The following FCHSD2 variants were observed in gnomAD, a reference collection of about 807,000 sequenced individuals.
FCHSD2 encodes the protein FCH and double SH3 domains 2, also known as F-BAR and double SH3 domains protein 2.
FCHSD2 carries 38 observed loss-of-function variants against 108.1 expected under a neutral mutation model. The ratio of observed to expected loss-of-function variants is 0.35; its 90% CI spans 0.27 to 0.46. The LOEUF is 0.46. FCHSD2 is among the 20% of genes least tolerant of loss of function. FCHSD2 has a pLI of 1.00. For missense variants in FCHSD2, 751 were observed against 897.8 expected, an observed-to-expected ratio of 0.84 and a Z score of 2.09; for synonymous variants, 279 against 314.7, an observed-to-expected ratio of 0.89 and a Z score of 1.20.
At chr11:72,941,610 A>G (rs1856420455) in intron 8 of FCHSD2, among the ~76,000 whole-genome samples, 1 of 152,146 alleles carries the variant, frequency 6.6e-6, no homozygotes, top group Non-Finnish European at 1.5e-5. Flanking sequence ...TCAATTTGTT[A>G]GTAAGCAAAA....
intron 6 of FCHSD2, among the ~76,000 whole-genome samples, chr11:72,987,467 AAGC>A (rs1271904168): frequency 6.6e-6 from 1 of 152,202 alleles, no homozygotes; most frequent in African/African-American, 2.4e-5. Context: ...TGAGGGCACA[AAGC>A]TTACCTTACT....
At chr11:72,850,366 AG>A (rs1170418809) in intron 13 of FCHSD2, among the ~76,000 whole-genome samples, 2 of 151,214 alleles carry the variant, frequency 1.3e-5, no homozygotes, top group African/African-American at 4.9e-5. Context: ...CACCAGGCCT[AG>A]GACAGAGATT....
At chr11:72,954,616 T>C (rs1856678647) in intron 8 of FCHSD2, among the ~76,000 whole-genome samples, 1 of 152,084 alleles carries the variant, frequency 6.6e-6, no homozygotes. Flanking sequence ...AGAATATAGT[T>C]GTCATTACTG....
chr11:72,872,159 C>T (rs1321824512), intron 12 of FCHSD2, among the ~76,000 whole-genome samples: 2 of 151,930 alleles, frequency 1.3e-5, no homozygotes, highest in Non-Finnish European at 2.9e-5. Context: ...CTTAGAGGCA[C>T]TCCAATTGGT....
At chr11:72,997,979 T>G (rs919686976) in intron 5 of FCHSD2, among the ~76,000 whole-genome samples, 3 of 152,136 alleles carry the variant, frequency 2.0e-5, no homozygotes, top group African/African-American at 7.2e-5. Flanking sequence ...AGGTGTGAAC[T>G]ACCACTCCCG....
At chr11:73,116,138 T>C (rs1243632975) in intron 2 of FCHSD2, among the ~76,000 whole-genome samples, 2 of 152,242 alleles carry the variant, frequency 1.3e-5, no homozygotes, top group East Asian at 1.9e-4. Flanking sequence ...TTTATTCTGA[T>C]TGGATACTGA....
At chr11:72,932,639 T>C (rs1856217633) in intron 8 of FCHSD2, among the ~76,000 whole-genome samples, 1 of 152,226 alleles carries the variant, frequency 6.6e-6, no homozygotes, top group Non-Finnish European at 1.5e-5. Flanking sequence ...CTTAGTCTCT[T>C]CACTTAATCA....
chr11:72,846,344 CTAATTTTTT>C (rs1171819172), intron 14 of FCHSD2, among the ~76,000 whole-genome samples: 1 of 152,062 alleles, frequency 6.6e-6, no homozygotes, highest in African/African-American at 2.4e-5. Flanking sequence ...CCATGCCTGG[CTAATTTTTT>C]GTATTTTTAG....
chr11:72,921,482 A>G (rs1256381783), intron 9 of FCHSD2, among the ~76,000 whole-genome samples: 1 of 152,206 alleles, frequency 6.6e-6, no homozygotes, highest in Non-Finnish European at 1.5e-5. Flanking sequence ...TACTCTTTGT[A>G]CTGACACATG....
chr11:73,130,077 T>C (rs963058162), intron 2 of FCHSD2, among the ~76,000 whole-genome samples: 2 of 151,854 alleles, frequency 1.3e-5, no homozygotes, highest in South Asian at 4.2e-4. Context: ...GGTTTCACCA[T>C]GTTAGCCAGG....
chr11:73,077,116 A>G (rs1214747825), intron 3 of FCHSD2, among the ~76,000 whole-genome samples: 1 of 149,864 alleles, frequency 6.7e-6, no homozygotes, highest in Non-Finnish European at 1.5e-5. Flanking sequence ...AAAAAAAAGA[A>G]AAAGAAAAAA....
At chr11:72,990,690 C>A (rs1857394437) in intron 5 of FCHSD2, among the ~76,000 whole-genome samples, 1 of 152,220 alleles carries the variant, frequency 6.6e-6, no homozygotes, top group Non-Finnish European at 1.5e-5. Flanking sequence ...ACCAGAATCT[C>A]TGGGACACAT....
At chr11:72,992,961 G>A (rs1191576232) in intron 5 of FCHSD2, among the ~76,000 whole-genome samples, 1 of 152,182 alleles carries the variant, frequency 6.6e-6, no homozygotes, top group Non-Finnish European at 1.5e-5. Context: ...TACCATCAGA[G>A]TGAACAGGCA....
rs373921854 is a variant in FCHSD2 at position 72,838,893 on chromosome 11, C to T, written c.2140-19G>A. On this transcript the variant is annotated intron_variant, in intron 19 of 19. Transcript: ENST00000409418. ...CCCGGACCTGAGCAGGAAACAATTA[C>T]GTAGTTTGTCAGTCAGTTCCTGACT... is the stretch of plus-strand genomic sequence containing the variant. 183 of 1,593,750 alleles carry T rather than the reference C, an allele frequency of 1.1e-4. 1 individual carries two copies. Among genetic ancestry groups the T allele is most frequent in the Non-Finnish European group, 1.3e-4 (157 of 1,169,776 alleles).
At chr11:72,986,271 G>T (rs113326682) in intron 6 of FCHSD2, among the ~76,000 whole-genome samples, 2 of 151,974 alleles carry the variant, frequency 1.3e-5, no homozygotes, top group Non-Finnish European at 2.9e-5. Context: ...GTGCAGTGGC[G>T]TGATCTCTGC....
At chr11:72,901,491 A>G (rs576578276) in intron 10 of FCHSD2, among the ~76,000 whole-genome samples, 1 of 152,290 alleles carries the variant, frequency 6.6e-6, no homozygotes. Context: ...TAATGATGTC[A>G]GGGGCTGAGG....
intron 9 of FCHSD2, among the ~76,000 whole-genome samples, chr11:72,913,565 A>G (rs549631301): frequency 6.6e-6 from 1 of 152,306 alleles, no homozygotes; most frequent in Non-Finnish European, 1.5e-5. Flanking sequence ...CATCACACCC[A>G]GCCCTATTTA....
intron 2 of FCHSD2, among the ~76,000 whole-genome samples, chr11:73,089,836 T>C (rs1379712359): frequency 6.6e-6 from 1 of 152,196 alleles, no homozygotes; most frequent in Non-Finnish European, 1.5e-5. Context: ...TTTAACTAGA[T>C]AAGCATTTTC....
intron 8 of FCHSD2, among the ~76,000 whole-genome samples, chr11:72,936,493 G>A (rs561270621): frequency 6.6e-6 from 1 of 152,012 alleles, no homozygotes; most frequent in Non-Finnish European, 1.5e-5. Flanking sequence ...CAAGAATCTC[G>A]ACCAGGTGCC....
Sources: allele counts gnomAD v4.1 joint callset (sites outside exome capture counted in the v4.1 genomes callset), GRCh38; gene constraint gnomAD v4.1.1; transcripts MANE v1.5; gene names NCBI Gene and HGNC (gene_info 2026-07-23, HGNC 2026-07-21).